The following SNX29 variants were observed in gnomAD, a reference collection of about 807,000 sequenced individuals.
SNX29 encodes sorting nexin-29.
SNX29 carries 78 observed loss-of-function variants against 102.1 expected under a neutral mutation model. The ratio of observed to expected loss-of-function variants is 0.76; its 90% CI spans 0.64 to 0.92. The LOEUF (loss-of-function observed/expected upper bound fraction) is 0.92. Ranked by LOEUF, SNX29 falls within the 40% of genes least tolerant of loss-of-function variation. SNX29 has a pLI of 0.00. For synonymous variants in SNX29, 580 were observed against 414.5 expected, an observed-to-expected ratio of 1.40 and a Z score of -4.85; for missense variants, 1,280 against 1,061.7, an observed-to-expected ratio of 1.21 and a Z score of -2.86.
chr16:12,027,566 G>A, intron 4 of SNX29, 122 bp downstream of exon 4: 8 of 1,199,134 alleles, frequency 6.7e-6, no homozygotes, highest in Non-Finnish European at 9.2e-6. Context: ...GTGGTGTATG[G>A]GCACAGAAAT....
Position 12,570,457 on chromosome 16 carries a change from GAAAC to G in SNX29, c.*1829_*1832del, listed in dbSNP as rs2079163698. On this transcript the variant is annotated 3_prime_UTR_variant, in exon 21 of 21. Transcript: ENST00000566228. ...AGAGAGCCCTAATGGACTGAGGCAG[GAAAC>G]GTCTAAAAGCTCAATCTGCTGTATG... is the stretch of plus-strand genomic sequence containing the variant. 2 of 237,578 alleles carry G rather than the reference GAAAC, an allele frequency of 8.4e-6. No individual in the cohort carries two copies. The highest frequency in any genetic ancestry group is 1.6e-5 in the Non-Finnish European group (2 of 122,270). The allele number at this position is 237,578 out of a possible 1,614,324, so 14.7% of individuals were successfully genotyped here.
Position 12,503,440 on chromosome 16 carries a change from G to A in SNX29, c.2179-21262G>A, listed in dbSNP as rs2089221619. ...CACTGAGAAGTCAGGGTGTTGGGGG[G>A]CAGAATGGGGCTCCAGGATGGGCAG... is the stretch of plus-strand genomic sequence containing the variant. On this transcript the variant is annotated intron_variant, in intron 19 of 20. Coordinates refer to ENST00000566228, the MANE Select transcript of SNX29 (RefSeq NM_032167.5). Among the ~76,000 whole-genome samples, 6 of 152,266 alleles carry A rather than the reference G, an allele frequency of 3.9e-5. No individual in the cohort carries two copies. The South Asian group carries it at 1.2e-3, about 32-fold the overall frequency.
chr16:12,158,912 C>G (rs1363557740), intron 13 of SNX29, among the ~76,000 whole-genome samples: 2 of 152,228 alleles, frequency 1.3e-5, no homozygotes, highest in African/African-American at 4.8e-5. Context: ...TTGACTTGAT[C>G]TCAACTCAGA....
chr16:12,073,422 G>C (rs1282264503), intron 10 of SNX29, among the ~76,000 whole-genome samples: 1 of 152,026 alleles, frequency 6.6e-6, no homozygotes, highest in African/African-American at 2.4e-5. Flanking sequence ...CCTTCATTTC[G>C]TTATGTACCC....
At chr16:12,529,678 C>T (rs545390701) in intron 20 of SNX29, among the ~76,000 whole-genome samples, 3 of 152,184 alleles carry the variant, frequency 2.0e-5, no homozygotes, top group African/African-American at 7.2e-5. Flanking sequence ...CCCCCGCCGC[C>T]GCCCCCATTT....
chr16:12,036,320 G>C (rs1346208794), intron 4 of SNX29, among the ~76,000 whole-genome samples: 1 of 138,852 alleles, frequency 7.2e-6, no homozygotes, highest in African/African-American at 2.7e-5. Context: ...GGTTTTCTGT[G>C]TTTTTCTTTC....
chr16:12,155,690 A>T (rs996882938), intron 13 of SNX29, among the ~76,000 whole-genome samples: 1 of 152,118 alleles, frequency 6.6e-6, no homozygotes, highest in Non-Finnish European at 1.5e-5. Flanking sequence ...GGAAAATGAA[A>T]GGGGTAGATG....
intron 20 of SNX29, among the ~76,000 whole-genome samples, chr16:12,564,857 TGA>T (rs774638889): frequency 1.9e-4 from 28 of 150,588 alleles, no homozygotes; most frequent in Non-Finnish European, 3.7e-4. Flanking sequence ...ACAAGGGCTA[TGA>T]GAGATGAGAA....
intron 15 of SNX29, among the ~76,000 whole-genome samples, chr16:12,312,395 A>T (rs16959180): frequency 0.016 from 2,371 of 152,330 alleles, 30 homozygotes; most frequent in Middle Eastern, 0.024. Context: ...TGCACTGTAG[A>T]GACTTTACCT....
chr16:12,447,302 G>T (rs902084533), intron 18 of SNX29, among the ~76,000 whole-genome samples: 1 of 151,630 alleles, frequency 6.6e-6, no homozygotes, highest in African/African-American at 2.4e-5. Flanking sequence ...TGAGCTTTGG[G>T]CACCTTTCTG....
rs1279155055 is a variant in SNX29 at position 12,558,608 on chromosome 16, TCA to T, written c.2319-9893_2319-9892del. On this transcript the variant is annotated intron_variant, in intron 20 of 20. Transcript: ENST00000566228. ...ACCTGTCACTCTCTGCCACAGCTGC[TCA>T]CACAGTGCAGGCCCCGAGCTTAAAA... Among the ~76,000 whole-genome samples the T allele has an allele frequency of 1.6e-4, 25 of 152,314 alleles. No homozygotes were observed. In the South Asian group the frequency reaches 2.7e-3, roughly 16 times the overall value.
intron 20 of SNX29, among the ~76,000 whole-genome samples, chr16:12,543,417 G>C (rs925150999): frequency 6.6e-6 from 1 of 152,188 alleles, no homozygotes; most frequent in Non-Finnish European, 1.5e-5. Context: ...TCACTGAAAG[G>C]AGAGAAAGTG....
intron 16 of SNX29, among the ~76,000 whole-genome samples, chr16:12,371,992 A>C (rs940256135): frequency 3.9e-5 from 6 of 152,246 alleles, no homozygotes; most frequent in Admixed American, 3.9e-4. Context: ...TAAATAATAT[A>C]AAAATACATT....
intron 20 of SNX29, among the ~76,000 whole-genome samples, chr16:12,563,743 C>G (rs567143211): frequency 6.6e-5 from 10 of 152,214 alleles, no homozygotes; most frequent in African/African-American, 2.4e-4. Context: ...CATTCTTTAC[C>G]CAACAGCCAC....
At chr16:12,475,390 G>A (rs765895541) in intron 18 of SNX29, among the ~76,000 whole-genome samples, 2 of 152,132 alleles carry the variant, frequency 1.3e-5, no homozygotes, top group Non-Finnish European at 2.9e-5. Flanking sequence ...TTAGATCAGG[G>A]GTTATCAAAC....
At chr16:12,160,851 A>G (rs1454004011) in intron 13 of SNX29, among the ~76,000 whole-genome samples, 1 of 152,252 alleles carries the variant, frequency 6.6e-6, no homozygotes, top group Non-Finnish European at 1.5e-5. Flanking sequence ...ATGGCATTAT[A>G]GCATCAATGT....
At chr16:11,989,268 C>T (rs1247001242) in intron 1 of SNX29, among the ~76,000 whole-genome samples, 4 of 152,072 alleles carry the variant, frequency 2.6e-5, no homozygotes, top group East Asian at 1.9e-4. Flanking sequence ...CCATGATGCC[C>T]GGCCTGCTCT....
rs1325935969 is a variant in SNX29, at chr16:11,976,825, C to T, written c.7+12C>T. 15 of 1,373,724 alleles carry T rather than the reference C, an allele frequency of 1.1e-5. No homozygotes were observed. The highest frequency in any genetic ancestry group is 3.1e-5 in the East Asian group (1 of 32,510). The allele number at this position is 1,373,724 out of a possible 1,614,324, so 85.1% of individuals were successfully genotyped here. A position where few individuals can be genotyped will look rare whatever the true frequency, so the allele number is the denominator to read the frequency against. On this transcript the variant is annotated intron_variant, in intron 1 of 20. Coordinates refer to ENST00000566228, the MANE Select transcript of SNX29 (RefSeq NM_032167.5). ...AGGCACCATGAGCGGTGAGTGGCGG[C>T]CCCGCCGCTGTCACCTGCCCCGGCC...
At chr16:12,072,493 C>T (rs2051348088) in intron 10 of SNX29, among the ~76,000 whole-genome samples, 1 of 152,090 alleles carries the variant, frequency 6.6e-6, no homozygotes, top group Admixed American at 6.6e-5. Flanking sequence ...TATGTTGAAC[C>T]AGCCTTTCAT....
Sources: allele counts gnomAD v4.1 joint callset (sites outside exome capture counted in the v4.1 genomes callset), GRCh38; gene constraint gnomAD v4.1.1; transcripts MANE v1.5; gene names NCBI Gene and HGNC (gene_info 2026-07-23, HGNC 2026-07-21).